The following FHIT variants were observed in gnomAD, a reference collection of about 807,000 sequenced individuals.
FHIT encodes bis(5'-adenosyl)-triphosphatase.
In FHIT, 19 loss-of-function variants were observed where a neutral mutation model predicts 17.9. The observed-to-expected ratio is 1.06, with a 90% CI of 0.74 to 1.56. FHIT has a LOEUF of 1.56. Ranked by LOEUF, FHIT falls within the 40% of genes most tolerant of loss-of-function variation. The pLI is 0.00. For synonymous variants in FHIT, 81 were observed against 69.7 expected (o/e 1.16, Z -0.81); for missense variants, 248 against 189.2 (o/e 1.31, Z -1.82).
At position 60,729,303 on chromosome 3, in the gene FHIT, T is replaced by C. The variant is rs1049834796; in HGVS notation, c.-18+92616A>G. Among the ~76,000 whole-genome samples the C allele has an allele frequency of 5.3e-5, 8 of 152,344 alleles. No homozygotes were observed. In the East Asian group the frequency reaches 1.5e-3, roughly 29 times the overall value. ...AGTGTGGAAATGAAAAGAGCCACCA[T>C]TCACTGGGACAACCACAGAACTGGC... On this transcript the variant is annotated intron_variant, in intron 4 of 9. Coordinates refer to ENST00000492590, the MANE Select transcript of FHIT (RefSeq NM_002012.4).
chr3:60,312,674 A>T (rs1708999953), intron 5 of FHIT, among the ~76,000 whole-genome samples: 1 of 152,150 alleles, frequency 6.6e-6, no homozygotes, highest in Non-Finnish European at 1.5e-5. Context: ...CCAGCCTATC[A>T]ACTACCTTTG....
At chr3:59,969,955 T>C (rs1175918065) in intron 7 of FHIT, among the ~76,000 whole-genome samples, 1 of 152,096 alleles carries the variant, frequency 6.6e-6, no homozygotes, top group South Asian at 2.1e-4. Flanking sequence ...AAGAACGTCA[T>C]GTCAAATGCA....
intron 4 of FHIT, among the ~76,000 whole-genome samples, chr3:60,568,914 G>C (rs1404721196): frequency 6.6e-6 from 1 of 151,516 alleles, no homozygotes; most frequent in East Asian, 1.9e-4. Context: ...ACCATTTTGG[G>C]GACTTAAACT....
chr3:61,183,359 G>A (rs538385984), intron 2 of FHIT, among the ~76,000 whole-genome samples: 1 of 135,930 alleles, frequency 7.4e-6, no homozygotes, highest in East Asian at 5.8e-4. Flanking sequence ...GCAGAAAGAA[G>A]CACCTGCTTA....
intron 5 of FHIT, among the ~76,000 whole-genome samples, chr3:60,533,475 T>G (rs190360120): frequency 6.6e-6 from 1 of 152,314 alleles, no homozygotes; most frequent in East Asian, 1.9e-4. Context: ...ACTTTGGATA[T>G]GAGGCAGACT....
At chr3:59,775,068 A>C (rs1164542708) in intron 8 of FHIT, among the ~76,000 whole-genome samples, 1 of 152,218 alleles carries the variant, frequency 6.6e-6, no homozygotes, top group Non-Finnish European at 1.5e-5. Context: ...TCTGGGCTAT[A>C]ATTCCCAGTT....
intron 5 of FHIT, among the ~76,000 whole-genome samples, chr3:60,402,440 T>C (rs1007591763): frequency 6.6e-6 from 1 of 152,236 alleles, no homozygotes; most frequent in Non-Finnish European, 1.5e-5. Context: ...GGTATAGTTA[T>C]AATCCTTGGT....
intron 3 of FHIT, among the ~76,000 whole-genome samples, chr3:60,940,513 T>G (rs554442597): frequency 6.6e-6 from 1 of 152,302 alleles, no homozygotes; most frequent in Admixed American, 6.5e-5. Context: ...TACTATAGTT[T>G]TTATTATATT....
At chr3:60,371,318 T>C (rs1700317240) in intron 5 of FHIT, among the ~76,000 whole-genome samples, 1 of 152,174 alleles carries the variant, frequency 6.6e-6, no homozygotes, top group Non-Finnish European at 1.5e-5. Context: ...TAAATATTCA[T>C]CTTTTTTATG....
At chr3:59,759,763 T>G (rs1701410870) in intron 8 of FHIT, among the ~76,000 whole-genome samples, 2 of 152,076 alleles carry the variant, frequency 1.3e-5, no homozygotes, top group Non-Finnish European at 2.9e-5. Context: ...GTCTATGTGC[T>G]GGTTACTGAG....
intron 5 of FHIT, among the ~76,000 whole-genome samples, chr3:60,241,305 C>T (rs1226272290): frequency 1.3e-5 from 2 of 152,066 alleles, no homozygotes; most frequent in African/African-American, 4.8e-5. Flanking sequence ...GAAAATTTAT[C>T]AAATAAGATT....
At chr3:61,091,010 A>T (rs1479760410) in intron 2 of FHIT, among the ~76,000 whole-genome samples, 1 of 152,202 alleles carries the variant, frequency 6.6e-6, no homozygotes, top group African/African-American at 2.4e-5. Context: ...AGACAGCATT[A>T]TCTTCTGTGG....
At chr3:60,999,264 T>C (rs1267468566) in intron 3 of FHIT, among the ~76,000 whole-genome samples, 1 of 152,038 alleles carries the variant, frequency 6.6e-6, no homozygotes, top group Non-Finnish European at 1.5e-5. Context: ...GCAGAAGATA[T>C]CACTGCAGAT....
chr3:60,836,986 T>A (rs1553743970), intron 3 of FHIT, among the ~76,000 whole-genome samples: 1 of 152,184 alleles, frequency 6.6e-6, no homozygotes, highest in East Asian at 1.9e-4. Flanking sequence ...CTTTGATTGT[T>A]GATTATTATT....
intron 4 of FHIT, among the ~76,000 whole-genome samples, chr3:60,706,173 C>T (rs2041366932): frequency 7.4e-6 from 1 of 135,458 alleles, no homozygotes; most frequent in South Asian, 2.3e-4. Context: ...TGTTCTCACT[C>T]ATAAGTGGGA....
At position 60,936,435 on chromosome 3, in the gene FHIT, C is replaced by T. The variant is rs552109588; in HGVS notation, c.-111+105612G>A. Among the ~76,000 whole-genome samples, 13 of 152,328 alleles carry T rather than the reference C, an allele frequency of 8.5e-5. No individual in the cohort carries two copies. The South Asian group carries it at 2.3e-3, about 27-fold the overall frequency. On this transcript the variant is annotated intron_variant, in intron 3 of 9. Coordinates refer to ENST00000492590, the MANE Select transcript of FHIT (RefSeq NM_002012.4). ...GTGTTTGTTAAAGATTTGAGATATG[C>T]TATTCCTTCTGTGAAATGACGAATA...
chr3:60,484,088 A>G (rs1331252950), intron 5 of FHIT, among the ~76,000 whole-genome samples: 1 of 152,142 alleles, frequency 6.6e-6, no homozygotes, highest in Non-Finnish European at 1.5e-5. Context: ...ATTGCTACAA[A>G]GAGAATAAAT....
chr3:60,571,955 T>C (rs1201773415), intron 4 of FHIT, among the ~76,000 whole-genome samples: 1 of 152,220 alleles, frequency 6.6e-6, no homozygotes, highest in Non-Finnish European at 1.5e-5. Flanking sequence ...AATCATTTCT[T>C]TGGTCATTGC....
At chr3:61,243,837 A>G (rs1026624728) in intron 1 of FHIT, among the ~76,000 whole-genome samples, 1 of 152,136 alleles carries the variant, frequency 6.6e-6, no homozygotes, top group African/African-American at 2.4e-5. Flanking sequence ...GGTAGGGGAG[A>G]AAGAGTGTCC....
Sources: allele counts gnomAD v4.1 joint callset (sites outside exome capture counted in the v4.1 genomes callset), GRCh38; gene constraint gnomAD v4.1.1; transcripts MANE v1.5; gene names NCBI Gene and HGNC (gene_info 2026-07-23, HGNC 2026-07-21).